Variants in TACC1 observed in about 807,000 individuals in gnomAD.
TACC1 encodes transforming acidic coiled-coil containing protein 1.
A neutral mutation model predicts 84.4 loss-of-function variants in TACC1; 48 were observed. The ratio of observed to expected loss-of-function variants is 0.57; its 90% CI spans 0.45 to 0.72. The LOEUF (loss-of-function observed/expected upper bound fraction) is 0.72, where lower values mean the gene tolerates loss of function less well. Among genes scored for constraint, TACC1 ranks in the 30% least tolerant of loss-of-function variants. TACC1 has a pLI of 0.00. For synonymous variants in TACC1, 372 were observed against 376.3 expected, an observed-to-expected ratio of 0.99 and a Z score of 0.13; for missense variants, 920 against 973.0, an observed-to-expected ratio of 0.95 and a Z score of 0.72.
intron 4 of TACC1, among the ~76,000 whole-genome samples, chr8:38,825,948 T>C (rs1292789716): frequency 1.3e-5 from 2 of 152,228 alleles, no homozygotes; most frequent in Non-Finnish European, 2.9e-5. Flanking sequence ...AAACCAGGAA[T>C]AAAATTGATG....
chr8:38,746,615 A>C (rs796501438), intron 3 of TACC1, among the ~76,000 whole-genome samples: 21 of 152,188 alleles, frequency 1.4e-4, no homozygotes, highest in Middle Eastern at 3.4e-3. Context: ...ATTTTGATTG[A>C]TCTGTCTTAA....
intron 1 of TACC1, among the ~76,000 whole-genome samples, chr8:38,734,268 C>A (rs936676379): frequency 2.0e-5 from 3 of 152,158 alleles, no homozygotes; most frequent in Non-Finnish European, 4.4e-5. Flanking sequence ...TCTCGACTCA[C>A]TGCAACCTCC....
At chr8:38,819,088 G>A (rs1826090757) in intron 2 of TACC1, among the ~76,000 whole-genome samples, 1 of 152,116 alleles carries the variant, frequency 6.6e-6, no homozygotes, top group Non-Finnish European at 1.5e-5. Context: ...ACTGCATAAA[G>A]TTCTGACCCT....
At chr8:38,787,926 G>T (rs969451370) in intron 1 of TACC1, among the ~76,000 whole-genome samples, 183 bp downstream of exon 1, 9 of 152,236 alleles carry the variant, frequency 5.9e-5, no homozygotes, top group Non-Finnish European at 8.8e-5. Context: ...CTCCCGTGGG[G>T]TTTCTGGCCC....
intron 3 of TACC1, among the ~76,000 whole-genome samples, chr8:38,778,280 G>GTA (rs1235906074): frequency 6.0e-5 from 9 of 151,150 alleles, no homozygotes; most frequent in Non-Finnish European, 1.2e-4. Flanking sequence ...AAAATTGTGT[G>GTA]TGTGTGTGTG....
intron 3 of TACC1, among the ~76,000 whole-genome samples, chr8:38,821,795 C>T (rs920955291): frequency 1.3e-5 from 2 of 152,146 alleles, no homozygotes; most frequent in Non-Finnish European, 2.9e-5. Context: ...GGAAATGCAT[C>T]CTTAGGTGAT....
Position 38,792,716 on chromosome 8 carries a change from T to C in TACC1, c.277+3897T>C, listed in dbSNP as rs1368859982. On this transcript the variant is annotated intron_variant, in intron 2 of 12. Transcript: ENST00000317827. ...TCCTGACCTCGTGATCCGCCCGCCT[T>C]GGCCTCCCAAAGTGCTGGGATTACA... 5.9e-5 allele frequency among the ~76,000 whole-genome samples: 9 copies of C among 152,256 alleles called. No homozygotes were observed. The East Asian group carries it at 1.5e-3, about 26-fold the overall frequency.
At chr8:38,806,411 A>AGGG (rs1273451365) in intron 2 of TACC1, among the ~76,000 whole-genome samples, 2 of 151,358 alleles carry the variant, frequency 1.3e-5, no homozygotes, top group Non-Finnish European at 2.9e-5. Context: ...GAATTAATTG[A>AGGG]GGGGGGGCTC....
At chr8:38,786,074 C>G (rs1359879185), upstream of TACC1, 1 of 152,166 alleles carries the variant, frequency 6.6e-6, no homozygotes, top group Admixed American at 6.5e-5. Context: ...CAAGTTTCAA[C>G]GTGCACATTT....
At chr8:38,807,534 A>C (rs1027185364) in intron 2 of TACC1, among the ~76,000 whole-genome samples, 2 of 152,230 alleles carry the variant, frequency 1.3e-5, no homozygotes, top group Non-Finnish European at 2.9e-5. Flanking sequence ...TGGGAGGGAA[A>C]AGTCAAGCAT....
Position 38,819,507 on chromosome 8 carries a change from T to C in TACC1, c.278-15T>C, listed in dbSNP as rs772842669. 9 of 1,591,446 alleles carry C rather than the reference T, an allele frequency of 5.7e-6. No homozygotes were observed. The South Asian group carries it at 7.9e-5, about 14-fold the overall frequency. The stretch of plus-strand genomic sequence containing the variant: ...AGATAATTCTTTAATAGATGGTTTT[T>C]GTGTTTCATTTTAGAATCACAAGAA... On this transcript the variant is annotated splice_polypyrimidine_tract_variant and intron_variant, in intron 2 of 12. Transcript: ENST00000317827.
intron 3 of TACC1, among the ~76,000 whole-genome samples, chr8:38,773,055 C>T (rs1351982148): frequency 2.0e-5 from 3 of 152,230 alleles, no homozygotes; most frequent in South Asian, 2.1e-4. Context: ...AGGCCCGGCG[C>T]GGTGGCTCAC....
At chr8:38,787,077 A>T, upstream of TACC1, 2 of 955,934 alleles carry the variant, frequency 2.1e-6, no homozygotes, top group South Asian at 4.8e-5. Flanking sequence ...GACCAGCGTG[A>T]CGCCGCGGTA....
In TACC1 at chr8:38,847,491, T is replaced by C. The variant is rs190094274; in HGVS notation, c.2350-464T>C. Among the ~76,000 whole-genome samples the C allele has an allele frequency of 9.2e-5, 14 of 152,350 alleles. No homozygotes were observed. In the East Asian group the frequency reaches 2.7e-3, roughly 29 times the overall value. On this transcript the variant is annotated intron_variant, in intron 12 of 12. Coordinates refer to ENST00000317827, the MANE Select transcript of TACC1 (RefSeq NM_006283.3). ...TCTCCGGTGTATTTTCTTTACTGCA[T>C]TTCCAATTATGTACTCATACCTGTG...
upstream of TACC1, among the ~76,000 whole-genome samples, chr8:38,786,790 G>T (rs1449004931): frequency 1.3e-5 from 2 of 151,404 alleles, no homozygotes; most frequent in Admixed American, 1.3e-4. Flanking sequence ...GGGTTAGGGA[G>T]GGGAAAACAA....
chr8:38,766,231 C>T (rs1425972776), intron 3 of TACC1, among the ~76,000 whole-genome samples: 1 of 152,208 alleles, frequency 6.6e-6, no homozygotes, highest in African/African-American at 2.4e-5. Context: ...CTTACTGTTA[C>T]AGATACTTTG....
chr8:38,783,080 ATCTATC>A (rs1190142467), upstream of TACC1, among the ~76,000 whole-genome samples: 121 of 106,578 alleles, frequency 1.1e-3, no homozygotes, highest in African/African-American at 4.9e-3. Flanking sequence ...CTATCTATCT[ATCTATC>A]TATCTATCTA....
chr8:38,740,012 G>GAA (rs1420893887), intron 1 of TACC1, among the ~76,000 whole-genome samples: 5 of 152,226 alleles, frequency 3.3e-5, no homozygotes, highest in African/African-American at 4.8e-5. Context: ...CAGCTCAAGA[G>GAA]AAGAGACAGA....
intron 9 of TACC1, among the ~76,000 whole-genome samples, chr8:38,840,908 G>C (rs187453320): frequency 6.6e-6 from 1 of 152,264 alleles, no homozygotes; most frequent in Non-Finnish European, 1.5e-5. Context: ...AATTAGCTGG[G>C]CGTGGTGGTG....
Sources: gnomAD v4.1 joint callset for allele counts (sites outside exome capture counted in the v4.1 genomes callset) on GRCh38, gnomAD v4.1.1 for gene constraint, MANE v1.5 for transcripts, NCBI Gene and HGNC (gene_info 2026-07-23, HGNC 2026-07-21) for gene names.